Variants in KANSL2 observed in about 807,000 individuals in gnomAD.
The protein encoded by KANSL2 is KAT8 regulatory NSL complex subunit 2.
KANSL2 carries 34 observed loss-of-function variants against 55.6 expected under a neutral mutation model. The observed-to-expected ratio is 0.61, with a 90% CI of 0.46 to 0.81. The LOEUF (loss-of-function observed/expected upper bound fraction) is 0.81, where lower values mean the gene tolerates loss of function less well. Among genes scored for constraint, KANSL2 ranks in the 40% least tolerant of loss-of-function variants. The pLI is 0.00. For synonymous variants in KANSL2, 209 were observed against 214.3 expected (o/e 0.98, Z 0.22); for missense variants, 502 against 609.9 (o/e 0.82, Z 1.86).
At chr12:48,677,783 T>TC (rs1437104887) in intron 4 of KANSL2, among the ~76,000 whole-genome samples, 1 of 23,260 alleles carries the variant, frequency 4.3e-5, no homozygotes, top group African/African-American at 1.8e-4. Context: ...AGACTCCATC[T>TC]CAAAAAAAAA....
At chr12:48,677,050 A>G (rs1565609587) in intron 4 of KANSL2, among the ~76,000 whole-genome samples, 1 of 152,212 alleles carries the variant, frequency 6.6e-6, no homozygotes, top group Non-Finnish European at 1.5e-5. Flanking sequence ...AATCATAAGG[A>G]GACACTGAAC....
At chr12:48,681,321 G>A in intron 2 of KANSL2, 61 bp downstream of exon 2, 3 of 1,524,662 alleles carry the variant, frequency 2.0e-6, no homozygotes, top group Non-Finnish European at 2.6e-6. Context: ...GCTGAAGCCC[G>A]CATCATATCA....
chr12:48,682,108 T>G (rs910779823), intron 1 of KANSL2, 79 bp downstream of exon 1: 1 of 702,844 alleles, frequency 1.4e-6, no homozygotes, highest in Non-Finnish European at 2.6e-6. Context: ...TGAGGCGGAG[T>G]AGCAGCTCTG....
chr12:48,677,439 T>A (rs1374556352), intron 4 of KANSL2, among the ~76,000 whole-genome samples: 1 of 152,002 alleles, frequency 6.6e-6, no homozygotes, highest in Non-Finnish European at 1.5e-5. Context: ...CTAGAGAGCA[T>A]ACATCTCTTC....
At chr12:48,677,613 C>A (rs148750999) in intron 4 of KANSL2, among the ~76,000 whole-genome samples, 2 of 151,764 alleles carry the variant, frequency 1.3e-5, no homozygotes, top group Non-Finnish European at 2.9e-5. Context: ...AACCCCATCT[C>A]TACTAAAAAT....
At chr12:48,669,361 G>C in intron 5 of KANSL2, 89 bp from the exon 6 acceptor site, 1 of 1,042,778 alleles carries the variant, frequency 9.6e-7, no homozygotes, top group South Asian at 1.7e-5. Context: ...AAATCCTTGG[G>C]CATAAGATAG....
chr12:48,677,712 G>T (rs1939848324), intron 4 of KANSL2, among the ~76,000 whole-genome samples: 2 of 148,144 alleles, frequency 1.4e-5, no homozygotes, highest in South Asian at 2.2e-4. Context: ...TTGAACCTGG[G>T]AGGCGGAGGT....
At chr12:48,656,955 G>A (rs1367645900) in intron 8 of KANSL2, among the ~76,000 whole-genome samples, 5 of 152,150 alleles carry the variant, frequency 3.3e-5, no homozygotes, top group South Asian at 4.1e-4. Flanking sequence ...CTAGCTTCAC[G>A]AGAAGCTTAG....
At chr12:48,659,174 G>T (rs895719994) in intron 8 of KANSL2, among the ~76,000 whole-genome samples, 2 of 152,006 alleles carry the variant, frequency 1.3e-5, no homozygotes, top group Non-Finnish European at 2.9e-5. Flanking sequence ...CACACCTGTA[G>T]TCCCAGCTAC....
chr12:48,659,497 C>T (rs1345630538), intron 8 of KANSL2, among the ~76,000 whole-genome samples: 1 of 152,084 alleles, frequency 6.6e-6, no homozygotes, highest in African/African-American at 2.4e-5. Context: ...GTGGCATAAA[C>T]CTATAGTCCC....
rs919865477 is a variant in KANSL2, at chr12:48,654,887, C to T, written c.1347+54G>A. On this transcript the variant is annotated intron_variant, in intron 9 of 9. Coordinates refer to ENST00000420613, the MANE Select transcript of KANSL2 (RefSeq NM_017822.4). ...CACATGCTATCTAGCAGGGAACCCT[C>T]TGCCTGGCCAGGTCACTACATGAGG... 3.4e-5 allele frequency: 52 copies of T among 1,544,788 alleles called. No individual in the cohort carries two copies. The Middle Eastern group carries it at 1.2e-3, about 35-fold the overall frequency.
At chr12:48,656,124 C>A (rs1484575115) in intron 8 of KANSL2, among the ~76,000 whole-genome samples, 1 of 152,000 alleles carries the variant, frequency 6.6e-6, no homozygotes, top group Non-Finnish European at 1.5e-5. Context: ...CTAACAGCCA[C>A]AAAGCAAGCA....
intron 2 of KANSL2, among the ~76,000 whole-genome samples, chr12:48,680,214 G>A (rs1368747700): frequency 6.6e-6 from 1 of 152,122 alleles, no homozygotes; most frequent in Non-Finnish European, 1.5e-5. Flanking sequence ...ATGCACCACT[G>A]TGCCCAGCAA....
chr12:48,681,282 A>C, intron 2 of KANSL2, 100 bp downstream of exon 2: 2 of 1,393,594 alleles, frequency 1.4e-6, no homozygotes, highest in Admixed American at 5.2e-5. Flanking sequence ...CCAAATTTAC[A>C]AGGACAAAAT....
intron 5 of KANSL2, among the ~76,000 whole-genome samples, chr12:48,671,288 A>AAAAAT (rs72427935): frequency 6.6e-6 from 1 of 151,318 alleles, no homozygotes; most frequent in Non-Finnish European, 1.5e-5. Flanking sequence ...AAAAAAAAAA[A>AAAAAT]ATGAAAGTAA....
chr12:48,676,379 C>A (rs1939821616), intron 4 of KANSL2, among the ~76,000 whole-genome samples: 1 of 152,014 alleles, frequency 6.6e-6, no homozygotes, highest in Non-Finnish European at 1.5e-5. Flanking sequence ...GTGCTAGGAT[C>A]ACTGGGCGCA....
chr12:48,680,286 G>C (rs934554643), intron 2 of KANSL2, among the ~76,000 whole-genome samples: 5 of 152,072 alleles, frequency 3.3e-5, no homozygotes, highest in African/African-American at 1.2e-4. Flanking sequence ...GGAACTCCCA[G>C]GCTCAAGTGA....
At chr12:48,661,166 T>A in intron 7 of KANSL2, 1 of 802,606 alleles carries the variant, frequency 1.2e-6, no homozygotes, top group Non-Finnish European at 1.5e-6. Flanking sequence ...CTAGGTATCA[T>A]ATCCTAACAA....
chr12:48,656,312 C>T (rs1290478174), intron 8 of KANSL2, among the ~76,000 whole-genome samples: 3 of 147,546 alleles, frequency 2.0e-5, no homozygotes, highest in Admixed American at 2.0e-4. Flanking sequence ...CTCGCTCTGT[C>T]GCCCAGGCTG....
Sources: gnomAD v4.1 joint callset for allele counts (sites outside exome capture counted in the v4.1 genomes callset) on GRCh38, gnomAD v4.1.1 for gene constraint, MANE v1.5 for transcripts, NCBI Gene and HGNC (gene_info 2026-07-23, HGNC 2026-07-21) for gene names.